The following TBC1D5 variants were observed in gnomAD, a reference collection of about 807,000 sequenced individuals.
The protein encoded by TBC1D5 is TBC1 domain family member 5.
Under a neutral mutation model 100.3 loss-of-function variants are expected in TBC1D5, and 75 were observed. The observed-to-expected ratio is 0.75, with a 90% CI of 0.62 to 0.91. The LOEUF (loss-of-function observed/expected upper bound fraction) is 0.91, where lower values mean the gene tolerates loss of function less well. TBC1D5 is among the 40% of genes least tolerant of loss of function. The pLI, the probability that TBC1D5 is intolerant of heterozygous loss-of-function variation, is 0.00. For missense variants in TBC1D5, 910 were observed against 942.4 expected (o/e 0.97, Z 0.45); for synonymous variants, 323 against 325.6 (o/e 0.99, Z 0.09).
At chr3:17,389,381 T>C (rs2093278972) in intron 8 of TBC1D5, among the ~76,000 whole-genome samples, 1 of 152,070 alleles carries the variant, frequency 6.6e-6, no homozygotes, top group Non-Finnish European at 1.5e-5. Context: ...CTGACTCTCT[T>C]CCCTTTGAGT....
chr3:17,253,075 T>C (rs1032616068), intron 16 of TBC1D5, among the ~76,000 whole-genome samples: 2 of 152,230 alleles, frequency 1.3e-5, no homozygotes, highest in Admixed American at 6.5e-5. Context: ...ACATACTGTT[T>C]TGAAACCTAA....
intron 8 of TBC1D5, among the ~76,000 whole-genome samples, chr3:17,394,007 C>T (rs1424452517): frequency 6.6e-6 from 1 of 152,092 alleles, no homozygotes; most frequent in African/African-American, 2.4e-5. Flanking sequence ...TTCTGCACAG[C>T]AAAAGAAACT....
intron 14 of TBC1D5, among the ~76,000 whole-genome samples, chr3:17,307,776 C>T (rs990033758): frequency 3.3e-5 from 5 of 152,120 alleles, no homozygotes; most frequent in African/African-American, 1.2e-4. Context: ...TTCTAATTCT[C>T]TCAGGATAAA....
chr3:17,423,075 T>C (rs748594103), intron 4 of TBC1D5, among the ~76,000 whole-genome samples: 6 of 152,158 alleles, frequency 3.9e-5, no homozygotes, highest in African/African-American at 1.4e-4. Flanking sequence ...GAGCTATATA[T>C]AGCACATACT....
At chr3:17,294,161 C>T (rs1010527581) in intron 14 of TBC1D5, among the ~76,000 whole-genome samples, 7 of 152,160 alleles carry the variant, frequency 4.6e-5, no homozygotes, top group African/African-American at 1.4e-4. Context: ...TCAGCATAAA[C>T]CAATCTCCAG....
intron 1 of TBC1D5, among the ~76,000 whole-genome samples, chr3:17,704,417 G>A (rs1272849267): frequency 3.3e-5 from 5 of 151,098 alleles, no homozygotes; most frequent in African/African-American, 1.2e-4. Context: ...ATCCTGGCCC[G>A]TTCTCAATGA....
At chr3:17,616,211 T>C (rs992750155) in intron 2 of TBC1D5, among the ~76,000 whole-genome samples, 3 of 152,206 alleles carry the variant, frequency 2.0e-5, no homozygotes, top group Non-Finnish European at 4.4e-5. Flanking sequence ...AGTGAGTTTC[T>C]TAATCCTGAG....
intron 3 of TBC1D5, among the ~76,000 whole-genome samples, chr3:17,497,125 C>T (rs879527949): frequency 2.8e-4 from 42 of 150,746 alleles, no homozygotes; most frequent in Admixed American, 9.3e-4. Flanking sequence ...CACACACACA[C>T]ACACACACAC....
At chr3:17,238,223 G>C in exon 17 of TBC1D5, 7 of 1,613,964 alleles carry the variant, frequency 4.3e-6, no homozygotes, top group Non-Finnish European at 5.1e-6. Flanking sequence ...TGCTGTTGCT[G>C]TTGCAAGTGA....
chr3:17,306,453 GAAAT>G (rs1039081956), intron 14 of TBC1D5, among the ~76,000 whole-genome samples: 25 of 152,152 alleles, frequency 1.6e-4, no homozygotes, highest in African/African-American at 3.6e-4. Flanking sequence ...GTTAAATATT[GAAAT>G]AAATAAATCA....
At chr3:17,614,203 T>C (rs1296682223) in intron 2 of TBC1D5, among the ~76,000 whole-genome samples, 1 of 152,140 alleles carries the variant, frequency 6.6e-6, no homozygotes, top group Admixed American at 6.5e-5. Context: ...TGTAGATGTG[T>C]GGTGTTATTT....
chr3:17,376,192 T>C (rs1486777352), intron 10 of TBC1D5, among the ~76,000 whole-genome samples: 1 of 152,058 alleles, frequency 6.6e-6, no homozygotes, highest in Admixed American at 6.6e-5. Context: ...AAAAAATGGA[T>C]CATTGAGCAT....
intron 15 of TBC1D5, among the ~76,000 whole-genome samples, chr3:17,267,544 A>G (rs891378871): frequency 6.6e-6 from 1 of 152,210 alleles, no homozygotes; most frequent in Non-Finnish European, 1.5e-5. Context: ...AAACAGAGGT[A>G]AAGTCTGATA....
At chr3:17,529,686 G>C (rs940112675) in intron 2 of TBC1D5, among the ~76,000 whole-genome samples, 1 of 150,692 alleles carries the variant, frequency 6.6e-6, no homozygotes, top group African/African-American at 2.5e-5. Context: ...TTGTTCTGTC[G>C]GCCAGGCTGG....
chr3:17,562,945 T>C (rs1187387757), intron 2 of TBC1D5, among the ~76,000 whole-genome samples: 1 of 152,174 alleles, frequency 6.6e-6, no homozygotes, highest in Non-Finnish European at 1.5e-5. Context: ...AGCCCTGTAA[T>C]GCAGAAAAAC....
intron 1 of TBC1D5, among the ~76,000 whole-genome samples, chr3:17,644,384 G>T (rs536164997): frequency 1.3e-5 from 2 of 152,024 alleles, no homozygotes; most frequent in Non-Finnish European, 2.9e-5. Flanking sequence ...TATTTTAATA[G>T]GCAATCTTGA....
At chr3:17,342,141 C>T (rs992632115) in intron 13 of TBC1D5, among the ~76,000 whole-genome samples, 2 of 152,208 alleles carry the variant, frequency 1.3e-5, no homozygotes, top group African/African-American at 2.4e-5. Context: ...CTTTGTGTGG[C>T]ATCTAAAATC....
chr3:17,681,730 A>T (rs540989052), intron 1 of TBC1D5, among the ~76,000 whole-genome samples: 42 of 151,566 alleles, frequency 2.8e-4, no homozygotes, highest in Non-Finnish European at 4.6e-4. Flanking sequence ...AAATTAGAAC[A>T]TGGGTCTCCA....
At chr3:17,713,113 T>C (rs1436349997) in intron 1 of TBC1D5, among the ~76,000 whole-genome samples, 2 of 152,244 alleles carry the variant, frequency 1.3e-5, no homozygotes, top group African/African-American at 4.8e-5. Context: ...TTTACTCGCG[T>C]ATTTTTCTCT....
Sources: gnomAD v4.1 joint callset for allele counts (sites outside exome capture counted in the v4.1 genomes callset) on GRCh38, gnomAD v4.1.1 for gene constraint, MANE v1.5 for transcripts, NCBI Gene and HGNC (gene_info 2026-07-23, HGNC 2026-07-21) for gene names.